The following ITGAE variants were observed in gnomAD, a reference collection of about 807,000 sequenced individuals.
ITGAE encodes integrin alpha-E.
A neutral mutation model predicts 136.5 loss-of-function variants in ITGAE; 99 were observed. The observed-to-expected ratio is 0.73, with a 90% CI of 0.62 to 0.86. ITGAE has a LOEUF of 0.86. Among genes scored for constraint, ITGAE ranks in the 40% least tolerant of loss-of-function variants. The pLI, the probability that ITGAE is intolerant of heterozygous loss-of-function variation, is 0.00. For missense variants in ITGAE, 1,447 were observed against 1,515.3 expected (o/e 0.95, Z 0.75); for synonymous variants, 613 against 591.8 (o/e 1.04, Z -0.52).
Position 3,755,219 on chromosome 17 carries a change from C to A in ITGAE, c.1282G>T (p.Gly428Ter). 1 of 1,576,492 alleles carries A rather than the reference C, an allele frequency of 6.3e-7. No homozygotes were observed. The highest frequency in any genetic ancestry group is 8.6e-7 in the Non-Finnish European group (1 of 1,167,204). The change falls in exon 12 of 31, where the codon GGA (glycine) becomes TGA (stop). Residue 428 changes from glycine to a stop codon, truncating the protein, a stop_gained. Transcript: ENST00000263087. LOFTEE classifies it high-confidence loss of function. ...CGTGTGTCGTAGAGCAACGCCCCTCCGGACCAGTCAAAGGCCCCGACGGCG... is the reference window on the plus strand; with the variant it reads ...CGTGTGTCGTAGAGCAACGCCCCTCAGGACCAGTCAAAGGCCCCGACGGCG... Reference protein sequence around the residue: ...LGAVGAFDWSGGALLYDTRSR... With the variant: ...LGAVGAFDWS
At chr17:3,757,495 C>T (rs1173801980) in intron 9 of ITGAE, among the ~76,000 whole-genome samples, 1 of 152,194 alleles carries the variant, frequency 6.6e-6, no homozygotes, top group Non-Finnish European at 1.5e-5. Context: ...TTTCCTGTGG[C>T]TCTCCCACCA....
intron 29 of ITGAE, among the ~76,000 whole-genome samples, chr17:3,720,006 G>A (rs1057339263): frequency 2.1e-4 from 32 of 152,142 alleles, no homozygotes; most frequent in African/African-American, 6.8e-4. Flanking sequence ...GATTACAGGC[G>A]TGAGCCACCT....
At chr17:3,753,762 G>A (rs1246344483) in intron 13 of ITGAE, 21 bp downstream of exon 13, 2 of 1,613,658 alleles carry the variant, frequency 1.2e-6, no homozygotes, top group East Asian at 2.2e-5. Flanking sequence ...ATAAGGGGTG[G>A]AGGCTTTCCC....
chr17:3,750,222 C>T (rs1198722187), intron 16 of ITGAE, 130 bp downstream of exon 16: 36 of 1,343,418 alleles, frequency 2.7e-5, no homozygotes, highest in Non-Finnish European at 3.6e-5. Flanking sequence ...CGGGCAGACT[C>T]CAGAGCCTGT....
rs141673359 is a variant in ITGAE, at chr17:3,801,115, T to C, written c.30A>G (p.Ile10Met). Reference sequence around the variant, plus strand: ...GCAGCGGGTGAGAGGACTTACTGGCTATGCAGAGCAGAGTGTGGAAGAGCC... The same window carrying C: ...GCAGCGGGTGAGAGGACTTACTGGCCATGCAGAGCAGAGTGTGGAAGAGCC... MWLFHTLLC[I>M]ASLALLAAFN... The change falls in exon 1 of 31, where the codon ATA (isoleucine) becomes ATG (methionine). Residue 10 changes from isoleucine to methionine, a missense_variant. Ile to Met is a conservative substitution (Grantham distance 10). Around this residue, in one of 3 missense-constraint regions of ITGAE, gnomAD observed 106 missense variants for 87.8 expected, o/e 1.21. Transcript: ENST00000263087. The C allele has an allele frequency of 2.5e-6, 4 of 1,612,788 alleles. No homozygotes were observed. The highest frequency in any genetic ancestry group is 2.2e-5 in the South Asian group (2 of 91,080).
chr17:3,773,009 G>C (rs553686301), intron 2 of ITGAE, among the ~76,000 whole-genome samples: 3 of 152,276 alleles, frequency 2.0e-5, no homozygotes, highest in African/African-American at 7.2e-5. Context: ...AGCCCTCACA[G>C]GTCGAGGTCT....
At chr17:3,715,750 T>C (rs2737127) in intron 30 of ITGAE, among the ~76,000 whole-genome samples, 22,715 of 151,858 alleles carry the variant, frequency 0.15, 5,306 homozygotes, top group African/African-American at 0.5. Context: ...CAGTCCCAGT[T>C]ACTCAGGAGA....
intron 2 of ITGAE, among the ~76,000 whole-genome samples, chr17:3,770,466 C>A (rs2143220952): frequency 6.6e-6 from 1 of 152,244 alleles, no homozygotes; most frequent in South Asian, 2.1e-4. Context: ...TCTGTCCCAC[C>A]CATACCTTCT....
chr17:3,719,337 T>C (rs1397262445), intron 29 of ITGAE, among the ~76,000 whole-genome samples: 1 of 151,688 alleles, frequency 6.6e-6, no homozygotes, highest in Non-Finnish European at 1.5e-5. Flanking sequence ...TGCTCCTTTC[T>C]CCTCCTCCAG....
At chr17:3,773,413 C>T (rs572568887) in intron 2 of ITGAE, among the ~76,000 whole-genome samples, 34 of 152,122 alleles carry the variant, frequency 2.2e-4, no homozygotes, top group South Asian at 4.2e-4. Context: ...ATCGCTTGAA[C>T]CCAGTGGTTG....
intron 2 of ITGAE, among the ~76,000 whole-genome samples, chr17:3,766,505 A>G (rs2052300743): frequency 6.6e-6 from 1 of 152,082 alleles, no homozygotes; most frequent in Non-Finnish European, 1.5e-5. Flanking sequence ...CAAAACTACA[A>G]GATAATAAAC....
intron 2 of ITGAE, among the ~76,000 whole-genome samples, chr17:3,773,830 TG>T (rs1310692280): frequency 6.6e-6 from 1 of 152,088 alleles, no homozygotes; most frequent in African/African-American, 2.4e-5. Context: ...TGAAGCTATC[TG>T]GGGGCTGCCG....
intron 26 of ITGAE, chr17:3,725,991 A>G: frequency 6.2e-7 from 1 of 1,613,908 alleles, no homozygotes; most frequent in Non-Finnish European, 8.5e-7. Context: ...AGTGAGCATC[A>G]TTGACTACAC....
Position 3,755,680 on chromosome 17 carries a change from A to T in ITGAE, c.1239+150T>A, listed in dbSNP as rs111337074. ...AGACTCCGTCTCAAAATAAATAAAT[A>T]AATTAATTAATTAAAATAAAATCGC... is the stretch of plus-strand genomic sequence containing the variant. On this transcript the variant is annotated intron_variant, in intron 11 of 30. Coordinates refer to ENST00000263087, the MANE Select transcript of ITGAE (RefSeq NM_002208.5). 4.3e-3 allele frequency: 2,337 copies of T among 546,964 alleles called. 25 individuals are homozygous for T. Among genetic ancestry groups the T allele is most frequent in the African/African-American group, 0.02 (1,052 of 51,912 alleles). 33.9% of individuals were successfully genotyped at this position (546,964 alleles called of 1,614,324 possible).
intron 1 of ITGAE, among the ~76,000 whole-genome samples, chr17:3,779,672 G>A (rs1219583103): frequency 6.6e-6 from 1 of 152,162 alleles, no homozygotes; most frequent in African/African-American, 2.4e-5. Flanking sequence ...ATGGCTTGCT[G>A]GATGGGTAGA....
intron 28 of ITGAE, 172 bp from the exon 29 acceptor site, chr17:3,720,574 C>T: frequency 2.3e-6 from 1 of 437,690 alleles, no homozygotes; most frequent in East Asian, 3.8e-5. Flanking sequence ...TGCAGTTATT[C>T]TTCAACTTCC....
chr17:3,793,012 G>A (rs1368698045), intron 1 of ITGAE, among the ~76,000 whole-genome samples: 7 of 151,950 alleles, frequency 4.6e-5, no homozygotes, highest in African/African-American at 1.2e-4. Flanking sequence ...CAGACCAGAC[G>A]TTCTTGTTTG....
chr17:3,734,666 G>A, intron 21 of ITGAE, 151 bp downstream of exon 21: 2 of 898,704 alleles, frequency 2.2e-6, no homozygotes, highest in Non-Finnish European at 3.4e-6. Flanking sequence ...AGCCGGACTG[G>A]CGGGGATTTA....
At chr17:3,777,739 C>G in intron 1 of ITGAE, 79 bp from the exon 2 acceptor site, 2 of 1,491,860 alleles carry the variant, frequency 1.3e-6, no homozygotes, top group Non-Finnish European at 1.8e-6. Context: ...TGTCATGAAC[C>G]CCGTTTTACA....
Sources: allele counts gnomAD v4.1 joint callset (sites outside exome capture counted in the v4.1 genomes callset), GRCh38; gene constraint gnomAD v4.1.1; regional missense constraint gnomAD v4.1.1; transcripts MANE v1.5; gene names NCBI Gene and HGNC (gene_info 2026-07-23, HGNC 2026-07-21).